Variants in ACAP2 observed in about 807,000 individuals in gnomAD.
ACAP2 encodes ArfGAP with coiled-coil, ankyrin repeat and PH domains 2, also known as arf-GAP with coiled-coil, ANK repeat and PH domain-containing protein 2.
In ACAP2, 39 loss-of-function variants were observed where a neutral mutation model predicts 115.8. That is an observed-to-expected ratio of 0.34 (90% CI 0.26 to 0.44). The LOEUF (loss-of-function observed/expected upper bound fraction) is 0.44. Among genes scored for constraint, ACAP2 ranks in the 20% least tolerant of loss-of-function variants. The probability of loss-of-function intolerance (pLI) is 1.00; values close to 1 mark genes in which losing one functional copy is unlikely to be tolerated. For synonymous variants in ACAP2, 289 were observed against 315.8 expected, an observed-to-expected ratio of 0.92 and a Z score of 0.90; for missense variants, 662 against 927.6, an observed-to-expected ratio of 0.71 and a Z score of 3.72.
chr3:195,327,138 T>G (rs1729849807), intron 8 of ACAP2, among the ~76,000 whole-genome samples, 179 bp from the exon 9 acceptor site: 6 of 152,214 alleles, frequency 3.9e-5, no homozygotes, highest in Admixed American at 3.9e-4. Flanking sequence ...CAAGTTCTCT[T>G]TGAGAAGATC....
intron 20 of ACAP2, among the ~76,000 whole-genome samples, 155 bp from the exon 21 acceptor site, chr3:195,289,386 A>C (rs1045955215): frequency 1.3e-5 from 2 of 152,184 alleles, no homozygotes; most frequent in African/African-American, 2.4e-5. Flanking sequence ...CTACTAACAA[A>C]AACTTACCAA....
chr3:195,436,190 G>A (rs200526324), intron 1 of ACAP2, among the ~76,000 whole-genome samples: 3 of 150,294 alleles, frequency 2.0e-5, no homozygotes, highest in Admixed American at 2.0e-4. Context: ...GCAGTGGCAC[G>A]ATCTCAGCTC....
intron 14 of ACAP2, among the ~76,000 whole-genome samples, 161 bp from the exon 15 acceptor site, chr3:195,301,805 G>T (rs2275519): frequency 0.23 from 34,920 of 152,110 alleles, 4,758 homozygotes; most frequent in East Asian, 0.71. Flanking sequence ...GTCCTCAACA[G>T]CTTTTACAAA....
chr3:195,415,401 C>T (rs1713635885), intron 1 of ACAP2, among the ~76,000 whole-genome samples: 1 of 151,934 alleles, frequency 6.6e-6, no homozygotes, highest in Non-Finnish European at 1.5e-5. Flanking sequence ...CTCAGCCTCC[C>T]GAGTAACTGG....
chr3:195,306,790 G>T, intron 12 of ACAP2, 174 bp from the exon 13 acceptor site: 3 of 368,418 alleles, frequency 8.1e-6, no homozygotes, highest in Non-Finnish European at 9.5e-6. Context: ...TGTTAACGAA[G>T]AAATTAAGGT....
At chr3:195,440,319 C>T (rs999054309) in intron 1 of ACAP2, among the ~76,000 whole-genome samples, 2 of 152,174 alleles carry the variant, frequency 1.3e-5, no homozygotes, top group African/African-American at 4.8e-5. Flanking sequence ...GTTGCAAATG[C>T]AACATCCTTC....
At chr3:195,416,232 G>A (rs961233610) in intron 1 of ACAP2, among the ~76,000 whole-genome samples, 2 of 152,014 alleles carry the variant, frequency 1.3e-5, no homozygotes, top group African/African-American at 4.8e-5. Context: ...TGTAGTCCCA[G>A]CTACTTGGGA....
At chr3:195,358,392 G>C (rs1041367402) in intron 4 of ACAP2, among the ~76,000 whole-genome samples, 2 of 152,006 alleles carry the variant, frequency 1.3e-5, no homozygotes, top group African/African-American at 4.8e-5. Flanking sequence ...AACTAAATAA[G>C]GCACCAGGGG....
intron 8 of ACAP2, among the ~76,000 whole-genome samples, chr3:195,327,650 G>A: frequency 6.6e-6 from 1 of 152,076 alleles, no homozygotes; most frequent in East Asian, 1.9e-4. Flanking sequence ...CATAAAACCT[G>A]GCCGGGCGCA....
intron 5 of ACAP2, among the ~76,000 whole-genome samples, chr3:195,343,486 C>T (rs527987119): frequency 6.6e-6 from 1 of 152,318 alleles, no homozygotes; most frequent in Non-Finnish European, 1.5e-5. Context: ...CATGCTGTGG[C>T]ATGATCATAG....
chr3:195,287,989 T>C (rs1434665570), intron 21 of ACAP2, among the ~76,000 whole-genome samples: 4 of 151,722 alleles, frequency 2.6e-5, no homozygotes, highest in Non-Finnish European at 5.9e-5. Context: ...TAATCCCAGC[T>C]ACTCAGGAGG....
In ACAP2 at chr3:195,279,448, G is replaced by A. The variant is rs374507998; in HGVS notation, c.2237-20C>T. ...CATCACCTGCATGAAATAAAATAAA[G>A]ACACTTTAAACATTTACACAAGTAT... On this transcript the variant is annotated intron_variant, in intron 22 of 22. Coordinates refer to ENST00000326793, the MANE Select transcript of ACAP2 (RefSeq NM_012287.6). 149 of 1,466,630 alleles carry A rather than the reference G, an allele frequency of 1.0e-4. No homozygotes were observed. The highest frequency in any genetic ancestry group is 1.3e-4 in the Non-Finnish European group (141 of 1,069,644). The allele number at this position is 1,466,630 out of a possible 1,614,324, so 90.9% of individuals were successfully genotyped here.
intron 10 of ACAP2, among the ~76,000 whole-genome samples, chr3:195,318,565 G>A (rs1377396674): frequency 6.6e-6 from 1 of 152,168 alleles, no homozygotes; most frequent in African/African-American, 2.4e-5. Context: ...CAGCATTTTT[G>A]CCCCTGCCCT....
At chr3:195,398,637 C>CTAAATAAATAAA (rs55788907) in intron 1 of ACAP2, among the ~76,000 whole-genome samples, 2,669 of 142,816 alleles carry the variant, frequency 0.019, 44 homozygotes, top group East Asian at 0.069. Flanking sequence ...AACTCCAACT[C>CTAAATAAATAAA]TAAATAAATA....
At chr3:195,318,493 T>C (rs922456974) in intron 10 of ACAP2, among the ~76,000 whole-genome samples, 2 of 152,190 alleles carry the variant, frequency 1.3e-5, no homozygotes, top group Non-Finnish European at 2.9e-5. Flanking sequence ...CAGATGGAGA[T>C]GAAGAACTTA....
At chr3:195,409,061 C>G (rs1472185177) in intron 1 of ACAP2, among the ~76,000 whole-genome samples, 1 of 148,310 alleles carries the variant, frequency 6.7e-6, no homozygotes, top group East Asian at 2.0e-4. Context: ...TTCTATTCAA[C>G]ATAGCACTGG....
At chr3:195,300,963 A>C (rs11925865) in intron 15 of ACAP2, among the ~76,000 whole-genome samples, 2,978 of 152,316 alleles carry the variant, frequency 0.02, 94 homozygotes, top group African/African-American at 0.066. Context: ...GGCTGCAGTA[A>C]GCTGTGATGG....
intron 10 of ACAP2, among the ~76,000 whole-genome samples, chr3:195,315,679 C>T (rs147229859): frequency 6.5e-4 from 99 of 152,302 alleles, no homozygotes; most frequent in Non-Finnish European, 5.6e-4. Context: ...AGGGGCTCTA[C>T]AATCTATGAT....
Position 195,337,748 on chromosome 3 carries a change from A to T in ACAP2, c.529-772T>A, listed in dbSNP as rs143335221. On this transcript the variant is annotated intron_variant, in intron 6 of 22. Transcript: ENST00000326793. ...AGGCGTGAGCCACTGCGCCAGGCCCATCTTAAAAAATTATAAATAAGATCA... is the reference window on the plus strand; with the variant it reads ...AGGCGTGAGCCACTGCGCCAGGCCCTTCTTAAAAAATTATAAATAAGATCA... Among the ~76,000 whole-genome samples, 251 of 152,290 alleles carry T rather than the reference A, an allele frequency of 1.6e-3. 1 individual carries two copies. The highest frequency in any genetic ancestry group is 5.6e-3 in the African/African-American group (234 of 41,566).
Sources: allele counts gnomAD v4.1 joint callset (sites outside exome capture counted in the v4.1 genomes callset), GRCh38; gene constraint gnomAD v4.1.1; transcripts MANE v1.5; gene names NCBI Gene and HGNC (gene_info 2026-07-23, HGNC 2026-07-21).